The following EEF2 variants were observed in gnomAD, a reference collection of about 807,000 sequenced individuals.
EEF2 encodes eukaryotic translation elongation factor 2.
Under a neutral mutation model 85.3 loss-of-function variants are expected in EEF2, and 21 were observed. That is an observed-to-expected ratio of 0.25 (90% confidence interval 0.17 to 0.35). EEF2 has a LOEUF of 0.35. Among genes scored for constraint, EEF2 ranks in the 10% least tolerant of loss-of-function variants. The pLI is 1.00. For synonymous variants in EEF2, 723 were observed against 508.8 expected, an observed-to-expected ratio of 1.42 and a Z score of -5.67; for missense variants, 825 against 1,225.3, an observed-to-expected ratio of 0.67 and a Z score of 4.88.
At chr19:3,983,500 A>G (rs2145366348) in intron 2 of EEF2, among the ~76,000 whole-genome samples, 1 of 152,096 alleles carries the variant, frequency 6.6e-6, no homozygotes, top group South Asian at 2.1e-4. Context: ...CCATAGCCAG[A>G]TCCTCAGAGC....
intron 3 of EEF2, 22 bp from the exon 4 acceptor site, chr19:3,983,040 C>G: frequency 1.2e-6 from 2 of 1,611,818 alleles, no homozygotes; most frequent in Non-Finnish European, 1.7e-6. Context: ...GGGGACAGGG[C>G]GGCGCTGTCA....
rs766629202 is a variant in EEF2, at chr19:3,977,258, G to A, written c.2340C>T (p.Pro780=). 1.1e-5 allele frequency: 18 copies of A among 1,613,312 alleles called. No homozygotes were observed. Among genetic ancestry groups the A allele is most frequent in the Non-Finnish European group, 1.5e-5 (18 of 1,179,774 alleles). Residue 780 remains proline, a synonymous_variant, in exon 14 of 15, where the codon CCC becomes CCT. Coordinates refer to ENST00000309311, the MANE Select transcript of EEF2 (RefSeq NM_001961.4). This position sits in a 1 kb window ranked among gnomAD's most constrained non-coding sequence, Gnocchi z 5.4. ...VFEESQVAGT[P]MFVVKAYLPV... ...GCAGATAGGCCTTGACCACAAACAT[G>A]GGGGTGCCGGCCACCTGGGACTCCT...
intron 11 of EEF2, among the ~76,000 whole-genome samples, chr19:3,979,029 G>A (rs940370595): frequency 6.6e-6 from 1 of 151,934 alleles, no homozygotes; most frequent in South Asian, 2.1e-4. Flanking sequence ...TCAGGAAGCT[G>A]AGTGAGGCAA....
In EEF2 at chr19:3,976,151, T is replaced by C. The variant is rs756486689; in HGVS notation, c.*403A>G. On this transcript the variant is annotated 3_prime_UTR_variant, in exon 15 of 15. Transcript: ENST00000309311. Reference sequence around the variant, plus strand: ...AGGACTTCCTGCCTGCTAGAAATCATCTACCCGCGTGTTCCTTTCCCCTTT... The same window carrying C: ...AGGACTTCCTGCCTGCTAGAAATCACCTACCCGCGTGTTCCTTTCCCCTTT... 4.5e-6 allele frequency: 1 copy of C among 223,738 alleles called. No individual in the cohort carries two copies. Among genetic ancestry groups the C allele is most frequent in the Non-Finnish European group, 9.0e-6 (1 of 110,890 alleles). The allele number at this position is 223,738 out of a possible 1,614,324, so 13.9% of individuals were successfully genotyped here.
At position 3,977,095 on chromosome 19, in the gene EEF2, CTCCA is replaced by C; in HGVS notation, c.2383+116_2383+119del. 1.4e-6 allele frequency: 2 copies of C among 1,408,898 alleles called. No individual in the cohort carries two copies. The highest frequency in any genetic ancestry group is 1.9e-6 in the Non-Finnish European group (2 of 1,046,622). 87.3% of individuals were successfully genotyped at this position (1,408,898 alleles called of 1,614,324 possible). A position where few individuals can be genotyped will look rare whatever the true frequency, so the allele number is the denominator to read the frequency against. On this transcript the variant is annotated intron_variant, in intron 14 of 14. Transcript: ENST00000309311. This position sits in a 1 kb window ranked among gnomAD's most constrained non-coding sequence, Gnocchi z 5.4. ...AAGCTGTCAGAAACTGGACCACCTG[CTCCA>C]TCCATCACCTGCTCCCATCAGGACG...
chr19:3,981,807 T>G, intron 6 of EEF2, 140 bp downstream of exon 6: 1 of 770,966 alleles, frequency 1.3e-6, no homozygotes, highest in Non-Finnish European at 2.2e-6. Context: ...TCCACCTCAG[T>G]TAGGAGCTGT....
intron 1 of EEF2, chr19:3,984,860 A>T (rs926154707): frequency 5.2e-5 from 9 of 172,222 alleles, no homozygotes; most frequent in Non-Finnish European, 8.7e-5. Flanking sequence ...TCTCAATAAG[A>T]GTCTTTGTAC....
At chr19:3,981,195 C>T in intron 7 of EEF2, 144 bp downstream of exon 7, 8 of 1,044,792 alleles carry the variant, frequency 7.7e-6, no homozygotes, top group Non-Finnish European at 1.1e-5. Context: ...GATGTGTCTC[C>T]AGCAGCACCC....
In EEF2 at chr19:3,976,466, A is replaced by G. The variant is rs1464533414; in HGVS notation, c.*88T>C. Reference sequence around the variant, plus strand: ...CAGGGGAGCGTCGCTGTGTCGGGACAGTCTCCAGGTGTCGTCTGAGAATTC... The same window carrying G: ...CAGGGGAGCGTCGCTGTGTCGGGACGGTCTCCAGGTGTCGTCTGAGAATTC... On this transcript the variant is annotated 3_prime_UTR_variant, in exon 15 of 15. Coordinates refer to ENST00000309311, the MANE Select transcript of EEF2 (RefSeq NM_001961.4). 2.7e-6 allele frequency: 4 copies of G among 1,465,162 alleles called. No individual in the cohort carries two copies. The highest frequency in any genetic ancestry group is 1.2e-5 in the South Asian group (1 of 80,264). The allele number at this position is 1,465,162 out of a possible 1,614,324, so 90.8% of individuals were successfully genotyped here.
At chr19:3,985,280 T>C in intron 1 of EEF2, 98 bp downstream of exon 1, 1 of 1,278,494 alleles carries the variant, frequency 7.8e-7, no homozygotes, top group South Asian at 2.1e-5. Flanking sequence ...CTACGTCTCC[T>C]CCTGGCACGG....
chr19:3,984,874 TG>T (rs1003285341), intron 1 of EEF2: 4 of 167,928 alleles, frequency 2.4e-5, no homozygotes, highest in African/African-American at 9.5e-5. Flanking sequence ...TTTGTACATC[TG>T]GGAGTCATAG....
Position 3,982,892 on chromosome 19 carries a change from T to C in EEF2, c.527A>G (p.Gln176Arg), listed in dbSNP as rs775275364. Residue 176 changes from glutamine (Q) to arginine (R), a missense_variant, in exon 4 of 15, where the codon CAG becomes CGG. Physicochemically the swap from Gln to Arg is conservative, Grantham distance 43 (BLOSUM62 1). Coordinates refer to ENST00000309311, the MANE Select transcript of EEF2 (RefSeq NM_001961.4). The stretch of plus-strand genomic sequence containing the variant: ...GTTCTCCACGATGCGCTGGAAAGTC[T>C]GGTAGAGCTCCTCGGGCTCCAGCTG... ...ELQLEPEELY[Q>R]TFQRIVENVN... 5.6e-6 allele frequency: 9 copies of C among 1,613,630 alleles called. No homozygotes were observed. The African/African-American group carries it at 1.1e-4, about 19-fold the overall frequency.
chr19:3,977,943 T>C lies in EEF2; in HGVS notation c.1943A>G (p.Lys648Arg). ...KYEWDVAEAR[K>R]IWCFGPDGTG... ...GCCGTCGGGCCCAAAGCACCAGATC[T>C]TGCGGGCCTCAGCCACGTCCCACTC... is the stretch of plus-strand genomic sequence containing the variant. The change falls in exon 12 of 15, where the codon AAG becomes AGG. Residue 648 changes from lysine to arginine, a missense_variant. Physicochemically the swap from Lys to Arg is conservative, Grantham distance 26. Coordinates refer to ENST00000309311, the MANE Select transcript of EEF2 (RefSeq NM_001961.4). This position sits in a 1 kb window ranked among gnomAD's most constrained non-coding sequence, Gnocchi z 5.4. The C allele has an allele frequency of 6.2e-7, 1 of 1,613,552 alleles. No homozygotes were observed. The highest frequency in any genetic ancestry group is 8.5e-7 in the Non-Finnish European group (1 of 1,179,982).
chr19:3,977,351 C>A lies in EEF2; in HGVS notation c.2251-4G>T. The A allele has an allele frequency of 6.3e-7, 1 of 1,590,646 alleles. No homozygotes were observed. Among genetic ancestry groups the A allele is most frequent in the Non-Finnish European group, 8.6e-7 (1 of 1,168,926 alleles). On this transcript the variant is annotated splice_region_variant and splice_polypyrimidine_tract_variant and intron_variant, in intron 13 of 14. Transcript: ENST00000309311. This position sits in a 1 kb window ranked among gnomAD's most constrained non-coding sequence, Gnocchi z 5.4. Reference sequence around the variant, plus strand: ...CACCGACCACCTGCTCTGGACACTGCCAGAAGGGAAAGAAAACCTGTCAGT... The same window carrying A: ...CACCGACCACCTGCTCTGGACACTGACAGAAGGGAAAGAAAACCTGTCAGT...
At chr19:3,981,023 G>C (rs1361349619) in intron 7 of EEF2, 44 bp from the exon 8 acceptor site, 1 of 1,545,498 alleles carries the variant, frequency 6.5e-7, no homozygotes, top group Non-Finnish European at 8.7e-7. Flanking sequence ...GGGGAGCCCA[G>C]GATGGCCCCA....
At chr19:3,979,287 TC>T in intron 11 of EEF2, 41 bp downstream of exon 11, 2 of 1,527,722 alleles carry the variant, frequency 1.3e-6, no homozygotes, top group East Asian at 2.3e-5. Flanking sequence ...AGGGCAGGTG[TC>T]CGGGGTGGGG....
intron 4 of EEF2, 181 bp from the exon 5 acceptor site, chr19:3,982,605 C>A: frequency 9.5e-7 from 1 of 1,051,412 alleles, no homozygotes; most frequent in Non-Finnish European, 1.4e-6. Context: ...CCCAGGGCAG[C>A]GTTCCCTGAG....
intron 2 of EEF2, 134 bp downstream of exon 2, chr19:3,984,002 C>G: frequency 1.1e-6 from 1 of 926,914 alleles, no homozygotes; most frequent in Non-Finnish European, 1.6e-6. Context: ...CTGAACCTCA[C>G]TCATTCTCCC....
intron 8 of EEF2, 54 bp from the exon 9 acceptor site, chr19:3,980,763 G>A: frequency 1.3e-6 from 2 of 1,598,780 alleles, no homozygotes; most frequent in South Asian, 2.2e-5. Context: ...CAGCCTTCTG[G>A]AACCCTGCAA....
Sources: allele counts gnomAD v4.1 joint callset (sites outside exome capture counted in the v4.1 genomes callset), GRCh38; gene constraint gnomAD v4.1.1; non-coding constraint Gnocchi (gnomAD v3.1); transcripts MANE v1.5; gene names NCBI Gene and HGNC (gene_info 2026-07-23, HGNC 2026-07-21).